The following ARHGAP15 variants were observed in gnomAD, a reference collection of about 807,000 sequenced individuals.
ARHGAP15 encodes the protein rho GTPase-activating protein 15.
ARHGAP15 carries 51 observed loss-of-function variants against 63.7 expected under a neutral mutation model. The ratio of observed to expected loss-of-function variants is 0.80; its 90% CI spans 0.64 to 1.01. The LOEUF is 1.01. ARHGAP15 is among the 50% of genes least tolerant of loss of function. ARHGAP15 has a pLI of 0.00. For synonymous variants in ARHGAP15, 191 were observed against 193.8 expected, an observed-to-expected ratio of 0.99 and a Z score of 0.12; for missense variants, 560 against 564.6, an observed-to-expected ratio of 0.99 and a Z score of 0.08.
chr2:143,470,559 A>G (rs1405558247), intron 8 of ARHGAP15, among the ~76,000 whole-genome samples: 1 of 150,538 alleles, frequency 6.6e-6, no homozygotes, highest in African/African-American at 2.4e-5. Flanking sequence ...TCTGGGAAAT[A>G]GCATAAAAGT....
chr2:143,383,344 A>T (rs1377510764), intron 6 of ARHGAP15, among the ~76,000 whole-genome samples: 2 of 152,198 alleles, frequency 1.3e-5, no homozygotes, highest in Non-Finnish European at 2.9e-5. Context: ...CACTTATATA[A>T]GGTTAGCAAG....
At chr2:143,602,415 C>A (rs1177457948) in intron 11 of ARHGAP15, among the ~76,000 whole-genome samples, 1 of 152,022 alleles carries the variant, frequency 6.6e-6, no homozygotes, top group Non-Finnish European at 1.5e-5. Flanking sequence ...AGTTGCATTC[C>A]AAAAAGGATG....
intron 6 of ARHGAP15, among the ~76,000 whole-genome samples, chr2:143,323,161 T>C (rs1475283381): frequency 1.3e-5 from 2 of 152,236 alleles, no homozygotes; most frequent in Non-Finnish European, 2.9e-5. Context: ...ACGTTTATGT[T>C]ATGTGTGAGA....
rs1685382107 is a variant in ARHGAP15 at position 143,348,131 on chromosome 2, C to CTA, written c.475-87469_475-87468dup. Among the ~76,000 whole-genome samples the CTA allele has an allele frequency of 2.6e-5, 4 of 152,170 alleles. No homozygotes were observed. In the South Asian group the frequency reaches 8.3e-4, roughly 32 times the overall value. On this transcript the variant is annotated intron_variant, in intron 6 of 13. Coordinates refer to ENST00000295095, the MANE Select transcript of ARHGAP15 (RefSeq NM_018460.4). ...TTTTCCCCAGTAACCTATTGGGGCA[C>CTA]TAAGGTCATATGTCACAGTCATTTT... is the stretch of plus-strand genomic sequence containing the variant.
At chr2:143,230,881 G>GA (rs1693405661) in intron 5 of ARHGAP15, among the ~76,000 whole-genome samples, 1 of 152,182 alleles carries the variant, frequency 6.6e-6, no homozygotes, top group African/African-American at 2.4e-5. Flanking sequence ...TGTGCTTCTG[G>GA]AAAAAAGTCT....
At chr2:143,525,074 A>G (rs1008991628) in intron 10 of ARHGAP15, among the ~76,000 whole-genome samples, 3 of 152,162 alleles carry the variant, frequency 2.0e-5, no homozygotes, top group African/African-American at 4.8e-5. Flanking sequence ...ACTGCAGATC[A>G]TATTGCCTTC....
intron 13 of ARHGAP15, among the ~76,000 whole-genome samples, chr2:143,728,857 C>T (rs1452265011): frequency 6.6e-6 from 1 of 152,210 alleles, no homozygotes; most frequent in African/African-American, 2.4e-5. Context: ...ATTGCACTTA[C>T]ACCACACCTT....
chr2:143,373,970 C>T lies in ARHGAP15; in HGVS notation c.475-61631C>T, dbSNP rs917404963. 5.3e-5 allele frequency among the ~76,000 whole-genome samples: 8 copies of T among 152,258 alleles called. 1 individual carries two copies. Among genetic ancestry groups the T allele is most frequent in the East Asian group, 1.9e-4 (1 of 5,182 alleles). ...CCTAGCAAACCTGCAAAACCATTTT[C>T]CTGAGGCTAAACTGTTTTCAGAAAT... On this transcript the variant is annotated intron_variant, in intron 6 of 13. Coordinates refer to ENST00000295095, the MANE Select transcript of ARHGAP15 (RefSeq NM_018460.4).
At chr2:143,172,600 G>A (rs1208017490) in intron 2 of ARHGAP15, among the ~76,000 whole-genome samples, 1 of 152,092 alleles carries the variant, frequency 6.6e-6, no homozygotes, top group Non-Finnish European at 1.5e-5. Context: ...GAAAAGAGTT[G>A]CAGAGGGGTT....
intron 9 of ARHGAP15, among the ~76,000 whole-genome samples, chr2:143,512,057 A>C (rs1464090246): frequency 1.3e-5 from 2 of 152,240 alleles, no homozygotes; most frequent in East Asian, 3.9e-4. Flanking sequence ...TTTACTAGCT[A>C]CTTAATTGAA....
chr2:143,542,193 C>T (rs959083293), intron 10 of ARHGAP15, among the ~76,000 whole-genome samples: 3 of 152,194 alleles, frequency 2.0e-5, no homozygotes. Flanking sequence ...GGGATATAAT[C>T]TGCTGGTGTG....
At chr2:143,228,787 G>A in intron 5 of ARHGAP15, 119 bp downstream of exon 5, 1 of 634,778 alleles carries the variant, frequency 1.6e-6, no homozygotes, top group Non-Finnish European at 2.5e-6. Flanking sequence ...GAAAACAGAT[G>A]GAGAAAATGA....
chr2:143,767,705 C>T, intron 13 of ARHGAP15, among the ~76,000 whole-genome samples: 1 of 152,092 alleles, frequency 6.6e-6, no homozygotes, highest in East Asian at 1.9e-4. Context: ...ATTAATTTCA[C>T]AGTCATTTTT....
chr2:143,542,640 A>G (rs548168825), intron 10 of ARHGAP15, among the ~76,000 whole-genome samples: 1 of 143,566 alleles, frequency 7.0e-6, no homozygotes, highest in Non-Finnish European at 1.5e-5. Context: ...ATGATTTAAA[A>G]TATATATATG....
chr2:143,288,622 CTTTTT>C (rs35206838), intron 6 of ARHGAP15, among the ~76,000 whole-genome samples: 2 of 145,088 alleles, frequency 1.4e-5, no homozygotes, highest in African/African-American at 5.1e-5. Context: ...CCTCGGGACA[CTTTTT>C]TTTTTTTTGT....
chr2:143,720,423 T>C (rs1277416623), intron 13 of ARHGAP15, among the ~76,000 whole-genome samples: 2 of 152,152 alleles, frequency 1.3e-5, no homozygotes, highest in Admixed American at 6.5e-5. Context: ...GCCGCTATCC[T>C]GCAGCCCAGC....
At chr2:143,153,165 G>A (rs1252308933) in intron 1 of ARHGAP15, among the ~76,000 whole-genome samples, 1 of 151,874 alleles carries the variant, frequency 6.6e-6, no homozygotes, top group Non-Finnish European at 1.5e-5. Flanking sequence ...ATGGTGTACG[G>A]TTGGGCTATG....
At chr2:143,272,985 A>G (rs1251059559) in intron 6 of ARHGAP15, among the ~76,000 whole-genome samples, 1 of 152,122 alleles carries the variant, frequency 6.6e-6, no homozygotes, top group Non-Finnish European at 1.5e-5. Context: ...ACTGATGTCA[A>G]TATAGACTAT....
chr2:143,625,791 G>C (rs1274125507), intron 12 of ARHGAP15, among the ~76,000 whole-genome samples: 1 of 152,126 alleles, frequency 6.6e-6, no homozygotes, highest in East Asian at 1.9e-4. Context: ...TTCTGATTGT[G>C]TACATTTAAA....
Sources: gnomAD v4.1 joint callset for allele counts (sites outside exome capture counted in the v4.1 genomes callset) on GRCh38, gnomAD v4.1.1 for gene constraint, MANE v1.5 for transcripts, NCBI Gene and HGNC (gene_info 2026-07-23, HGNC 2026-07-21) for gene names.